GSE1: variants seen among roughly 807,000 people sequenced by gnomAD.
GSE1 encodes genetic suppressor element 1.
In GSE1, 32 loss-of-function variants were observed where a neutral mutation model predicts 112.6. The ratio of observed to expected loss-of-function variants is 0.28; its 90% CI spans 0.21 to 0.38. The LOEUF (loss-of-function observed/expected upper bound fraction) is 0.38. GSE1 is among the 10% of genes least tolerant of loss of function. The pLI, the probability that GSE1 is intolerant of heterozygous loss-of-function variation, is 1.00. For synonymous variants in GSE1, 1,115 were observed against 735.6 expected (o/e 1.52, Z -8.35); for missense variants, 2,348 against 1,699.2 (o/e 1.38, Z -6.71).
intron 1 of GSE1, among the ~76,000 whole-genome samples, chr16:85,616,867 C>T (rs2048403133): frequency 6.6e-6 from 1 of 152,156 alleles, no homozygotes; most frequent in Admixed American, 6.5e-5. Flanking sequence ...TCCTCTGAAT[C>T]CAGCCGTGTG....
intron 3 of GSE1, among the ~76,000 whole-genome samples, chr16:85,649,006 T>C (rs1424812792): frequency 6.6e-6 from 1 of 152,092 alleles, no homozygotes; most frequent in African/African-American, 2.4e-5. Flanking sequence ...CCCGTTATTT[T>C]CTCCTGTTCT....
upstream of GSE1, chr16:85,555,060 G>C: frequency 1.0e-6 from 1 of 985,412 alleles, no homozygotes. Context: ...TTATCGCCCT[G>C]CGAAGCATGG....
intron 2 of GSE1, among the ~76,000 whole-genome samples, chr16:85,452,863 T>G: frequency 6.6e-6 from 1 of 152,192 alleles, no homozygotes; most frequent in Non-Finnish European, 1.5e-5. Context: ...TGCCAGGCGC[T>G]GGGCTAGGTG....
intron 2 of GSE1, among the ~76,000 whole-genome samples, chr16:85,369,554 C>A (rs753120538): frequency 6.6e-6 from 1 of 152,128 alleles, no homozygotes; most frequent in African/African-American, 2.4e-5. Context: ...CCACCCACTC[C>A]TGCCTCCCTT....
chr16:85,223,006 C>T (rs574453590), intron 1 of GSE1, among the ~76,000 whole-genome samples: 20 of 152,272 alleles, frequency 1.3e-4, no homozygotes, highest in African/African-American at 4.8e-4. Context: ...ATAGTCTTAC[C>T]GGACTGCTTC....
At chr16:85,439,607 G>C (rs964866976) in intron 2 of GSE1, among the ~76,000 whole-genome samples, 1 of 152,176 alleles carries the variant, frequency 6.6e-6, no homozygotes, top group Non-Finnish European at 1.5e-5. Context: ...CTGTGTCAGT[G>C]GGGGGTGGGC....
intron 2 of GSE1, among the ~76,000 whole-genome samples, chr16:85,433,652 T>C (rs1195646948): frequency 1.3e-5 from 2 of 151,442 alleles, no homozygotes; most frequent in African/African-American, 4.9e-5. Context: ...GGGTGAATGT[T>C]GAATGGATAG....
At chr16:85,371,915 G>A (rs901730222) in intron 2 of GSE1, among the ~76,000 whole-genome samples, 1 of 152,232 alleles carries the variant, frequency 6.6e-6, no homozygotes, top group Non-Finnish European at 1.5e-5. Context: ...GGGCAGGAGG[G>A]GCTGGGAGAG....
intron 2 of GSE1, among the ~76,000 whole-genome samples, chr16:85,400,679 G>C (rs2048087093): frequency 6.7e-6 from 1 of 150,236 alleles, no homozygotes; most frequent in South Asian, 2.1e-4. Context: ...GTGTGTCTCT[G>C]TGTGTTTTTG....
At chr16:85,656,950 C>T (rs1018001596) in intron 7 of GSE1, among the ~76,000 whole-genome samples, 1 of 152,198 alleles carries the variant, frequency 6.6e-6, no homozygotes, top group Non-Finnish European at 1.5e-5. Flanking sequence ...TGTAAGTTTA[C>T]GAAACAATTG....
chr16:85,649,435 G>C (rs1411536317), intron 3 of GSE1, among the ~76,000 whole-genome samples: 1 of 152,228 alleles, frequency 6.6e-6, no homozygotes, highest in African/African-American at 2.4e-5. Context: ...AAGACATCTG[G>C]TGGGTTTTGT....
intron 2 of GSE1, among the ~76,000 whole-genome samples, chr16:85,400,697 G>A (rs137983047): frequency 0.012 from 1,871 of 151,266 alleles, 24 homozygotes; most frequent in Non-Finnish European, 0.015. Context: ...TTGTGTGTTT[G>A]TATGTGTTGT....
At position 85,442,441 on chromosome 16, in the gene GSE1, G is replaced by GATAA. The variant is rs1555512302; in HGVS notation, c.2464+84800_2464+84801insAAAT. On this transcript the variant is annotated intron_variant, in intron 2 of 2. Coordinates refer to the GSE1 transcript ENST00000637419. The stretch of plus-strand genomic sequence containing the variant: ...TGGACAAATGTTTATTGAATGAATG[G>GATAA]ATGAATGAATGAATGAATGAATGAA... Among the ~76,000 whole-genome samples the GATAA allele has an allele frequency of 4.7e-5, 7 of 150,472 alleles. No homozygotes were observed. The South Asian group carries it at 1.3e-3, about 27-fold the overall frequency.
intron 8 of GSE1, among the ~76,000 whole-genome samples, chr16:85,659,033 G>A (rs917699856): frequency 6.6e-6 from 1 of 152,242 alleles, no homozygotes; most frequent in African/African-American, 2.4e-5. Flanking sequence ...CTAGAAAACT[G>A]TTCAGTGCTT....
At chr16:85,584,243 T>A (rs77911093) in intron 1 of GSE1, among the ~76,000 whole-genome samples, 2 of 152,018 alleles carry the variant, frequency 1.3e-5, no homozygotes, top group Admixed American at 1.3e-4. Context: ...CTGGCTCCCC[T>A]CTTTTTGGGC....
At chr16:85,576,561 G>C (rs2046236005) in intron 1 of GSE1, among the ~76,000 whole-genome samples, 1 of 152,202 alleles carries the variant, frequency 6.6e-6, no homozygotes, top group South Asian at 2.1e-4. Flanking sequence ...CGAATTGACT[G>C]TCTGCTCTCC....
chr16:85,530,153 C>T (rs772829593), intron 2 of GSE1, among the ~76,000 whole-genome samples: 3 of 152,240 alleles, frequency 2.0e-5, no homozygotes, highest in African/African-American at 4.8e-5. Context: ...CTCCGGCCCC[C>T]GATTTCCAGC....
At chr16:85,231,972 C>T (rs1904291161) in intron 1 of GSE1, among the ~76,000 whole-genome samples, 1 of 152,190 alleles carries the variant, frequency 6.6e-6, no homozygotes, top group African/African-American at 2.4e-5. Flanking sequence ...CCATGAATGC[C>T]AGTGTTGGCT....
Position 85,668,164 on chromosome 16 carries a change from A to T in GSE1, c.3155A>T (p.Glu1052Val), listed in dbSNP as rs750863541. ...GGGAGCGTGGCTGTGCTGTCTGCAG[A>T]GCAGAACCACAAGGTTGACACGTCC... Reference protein sequence around the residue: ...HKGSVAVLSAEQNHKVDTSVH... With the variant: ...HKGSVAVLSAVQNHKVDTSVH... Residue 1052 changes from glutamate (E) to valine (V), a missense_variant, in exon 14 of 16, where the codon GAG becomes GTG. Physicochemically the swap from Glu to Val is moderately radical, Grantham distance 121. Transcript: ENST00000253458. The T allele has an allele frequency of 6.7e-5, 108 of 1,600,310 alleles. No individual in the cohort carries two copies. The highest frequency in any genetic ancestry group is 8.4e-5 in the Non-Finnish European group (98 of 1,171,720).
Sources: gnomAD v4.1 joint callset for allele counts (sites outside exome capture counted in the v4.1 genomes callset) on GRCh38, gnomAD v4.1.1 for gene constraint, MANE v1.5 for transcripts, NCBI Gene and HGNC (gene_info 2026-07-23, HGNC 2026-07-21) for gene names.